The following CDH12 variants were observed in gnomAD, a reference collection of about 807,000 sequenced individuals.
The protein encoded by CDH12 is cadherin 12.
A neutral mutation model predicts 74.1 loss-of-function variants in CDH12; 41 were observed. The observed-to-expected ratio is 0.55, with a 90% CI of 0.43 to 0.72. The LOEUF (loss-of-function observed/expected upper bound fraction) is 0.72. CDH12 is among the 30% of genes least tolerant of loss of function. The probability of loss-of-function intolerance (pLI) is 0.00; values close to 1 mark genes in which losing one functional copy is unlikely to be tolerated. For missense variants in CDH12, 945 were observed against 977.2 expected (o/e 0.97, Z 0.44); for synonymous variants, 399 against 355.0 (o/e 1.12, Z -1.39).
intron 2 of CDH12, among the ~76,000 whole-genome samples, chr5:22,423,346 C>T (rs991186571): frequency 6.6e-5 from 10 of 152,092 alleles, no homozygotes; most frequent in Non-Finnish European, 1.3e-4. Context: ...CTGAGATGTG[C>T]AGAAACCAAG....
intron 1 of CDH12, among the ~76,000 whole-genome samples, chr5:22,740,780 A>G (rs1744990008): frequency 6.6e-6 from 1 of 152,102 alleles, no homozygotes; most frequent in African/African-American, 2.4e-5. Context: ...TGATTCCAAG[A>G]ATACTTGTAT....
intron 1 of CDH12, among the ~76,000 whole-genome samples, chr5:22,738,662 T>C (rs1314763533): frequency 6.6e-6 from 1 of 152,086 alleles, no homozygotes; most frequent in Non-Finnish European, 1.5e-5. Flanking sequence ...TCATAATTCA[T>C]ATAAAAACAA....
intron 1 of CDH12, among the ~76,000 whole-genome samples, chr5:22,578,684 TTTC>T (rs1007814015): frequency 1.2e-4 from 18 of 152,116 alleles, no homozygotes; most frequent in African/African-American, 4.1e-4. Flanking sequence ...ACCTTAACTG[TTTC>T]TTGTTTTCTC....
chr5:22,064,505 T>C (rs1741425897), intron 5 of CDH12, among the ~76,000 whole-genome samples: 1 of 152,156 alleles, frequency 6.6e-6, no homozygotes. Context: ...AAATACACTA[T>C]TGACTCTCTT....
intron 7 of CDH12, among the ~76,000 whole-genome samples, chr5:21,849,094 A>G (rs191604910): frequency 6.6e-6 from 1 of 151,990 alleles, no homozygotes; most frequent in Admixed American, 6.6e-5. Flanking sequence ...TATATATGGT[A>G]TTATTCTTAT....
Position 22,345,122 on chromosome 5 carries a change from C to T in CDH12, c.-333+60135G>A, listed in dbSNP as rs150140351. 2.0e-4 allele frequency among the ~76,000 whole-genome samples: 30 copies of T among 152,230 alleles called. No homozygotes were observed. In the East Asian group the frequency reaches 2.1e-3, roughly 11 times the overall value. The stretch of plus-strand genomic sequence containing the variant: ...CACTGCAACATTGATTTGATGAGGA[C>T]GGGGTAAAGAGGCCCATGGTGTTCC... On this transcript the variant is annotated intron_variant, in intron 3 of 14. Coordinates refer to ENST00000382254, the MANE Select transcript of CDH12 (RefSeq NM_004061.5).
At chr5:22,350,062 A>G (rs147035160) in intron 3 of CDH12, among the ~76,000 whole-genome samples, 32 of 152,328 alleles carry the variant, frequency 2.1e-4, no homozygotes, top group South Asian at 4.1e-4. Context: ...TAAGTTCTCT[A>G]TTTAGTTGAA....
chr5:22,807,805 T>C (rs915919682), intron 1 of CDH12, among the ~76,000 whole-genome samples: 4 of 151,908 alleles, frequency 2.6e-5, no homozygotes, highest in African/African-American at 7.3e-5. Flanking sequence ...TCACCATGAA[T>C]GGAGCTTGCA....
intron 3 of CDH12, among the ~76,000 whole-genome samples, chr5:22,350,576 G>A (rs1400170454): frequency 1.3e-5 from 2 of 152,124 alleles, no homozygotes; most frequent in Admixed American, 6.6e-5. Flanking sequence ...ATGTACAACT[G>A]ACTATTATAT....
At chr5:22,413,947 G>T (rs1204002564) in intron 2 of CDH12, among the ~76,000 whole-genome samples, 1 of 151,254 alleles carries the variant, frequency 6.6e-6, no homozygotes, top group Non-Finnish European at 1.5e-5. Context: ...TATACTTTTT[G>T]CTTTTCAAAA....
At chr5:21,780,244 A>T (rs1229652029) in intron 11 of CDH12, among the ~76,000 whole-genome samples, 1 of 152,198 alleles carries the variant, frequency 6.6e-6, no homozygotes. Flanking sequence ...ATATGCACCA[A>T]TCATATTAAT....
chr5:22,378,571 C>A (rs747690283), intron 3 of CDH12, among the ~76,000 whole-genome samples: 15 of 151,946 alleles, frequency 9.9e-5, no homozygotes, highest in Non-Finnish European at 1.9e-4. Context: ...CCAAAAATGA[C>A]CACTAATAAA....
intron 5 of CDH12, among the ~76,000 whole-genome samples, chr5:22,065,577 A>G (rs1741501245): frequency 6.6e-6 from 1 of 152,086 alleles, no homozygotes; most frequent in Non-Finnish European, 1.5e-5. Flanking sequence ...TAACGCTAGA[A>G]TGGGTTTCTT....
intron 4 of CDH12, among the ~76,000 whole-genome samples, chr5:22,121,158 C>T (rs1029633500): frequency 2.0e-5 from 3 of 151,898 alleles, no homozygotes; most frequent in Non-Finnish European, 4.4e-5. Flanking sequence ...TGTTGACAGG[C>T]AATTCTCCAT....
intron 5 of CDH12, among the ~76,000 whole-genome samples, chr5:22,058,983 C>T (rs1262804282): frequency 6.6e-6 from 1 of 151,990 alleles, no homozygotes; most frequent in East Asian, 1.9e-4. Context: ...ATTCCTAGTT[C>T]CCATGTGCTT....
At chr5:22,150,075 G>A (rs374040236) in intron 4 of CDH12, among the ~76,000 whole-genome samples, 382 of 152,188 alleles carry the variant, frequency 2.5e-3, no homozygotes, top group Non-Finnish European at 4.1e-3. Flanking sequence ...GTACACATTA[G>A]TACATGGTTT....
intron 4 of CDH12, among the ~76,000 whole-genome samples, chr5:22,203,336 T>C (rs1751027648): frequency 6.6e-6 from 1 of 152,316 alleles, no homozygotes; most frequent in South Asian, 2.1e-4. Context: ...TTGAGTGCAA[T>C]CATGAGGTAT....
In CDH12 at chr5:22,853,054, T is replaced by G. The variant is rs1737627130; in HGVS notation, c.-523+4A>C. On this transcript the variant is annotated splice_donor_region_variant and intron_variant, in intron 1 of 14. Transcript: ENST00000382254. The stretch of plus-strand genomic sequence containing the variant: ...GCAATCCCAATCAAAAACGGAAGCC[T>G]TACCTGATGGCAGAAAAGGCAGCTG... 6.6e-6 allele frequency: 1 copy of G among 152,330 alleles called. No homozygotes were observed. Among genetic ancestry groups the G allele is most frequent in the South Asian group, 2.1e-4 (1 of 4,822 alleles). 9.4% of individuals were successfully genotyped at this position (152,330 alleles called of 1,614,324 possible).
At chr5:22,272,976 A>T (rs1170506522) in intron 3 of CDH12, among the ~76,000 whole-genome samples, 1 of 152,162 alleles carries the variant, frequency 6.6e-6, no homozygotes, top group East Asian at 1.9e-4. Flanking sequence ...AGTGCCAGCA[A>T]GGGAAATGCC....
Sources: allele counts gnomAD v4.1 joint callset (sites outside exome capture counted in the v4.1 genomes callset), GRCh38; gene constraint gnomAD v4.1.1; transcripts MANE v1.5; gene names NCBI Gene and HGNC (gene_info 2026-07-23, HGNC 2026-07-21).